STK33: variants seen among roughly 807,000 people sequenced by gnomAD.
The protein encoded by STK33 is serine/threonine kinase 33, also known as serine/threonine-protein kinase 33.
STK33 carries 52 observed loss-of-function variants against 58.0 expected under a neutral mutation model. The ratio of observed to expected loss-of-function variants is 0.90; its 90% CI spans 0.72 to 1.13. The LOEUF (loss-of-function observed/expected upper bound fraction) is 1.13. Among genes scored for constraint, STK33 ranks in the 50% most tolerant of loss-of-function variants. The pLI is 0.00. For synonymous variants in STK33, 215 were observed against 200.1 expected (o/e 1.07, Z -0.63); for missense variants, 630 against 604.2 (o/e 1.04, Z -0.45).
chr11:8,558,866 G>A (rs1956941534), intron 1 of STK33, among the ~76,000 whole-genome samples: 5 of 152,168 alleles, frequency 3.3e-5, no homozygotes, highest in African/African-American at 9.7e-5. Flanking sequence ...CAAAACAAGT[G>A]TTAATATAGC....
At chr11:8,590,317 T>G (rs2032392294) in intron 1 of STK33, among the ~76,000 whole-genome samples, 1 of 152,154 alleles carries the variant, frequency 6.6e-6, no homozygotes, top group Non-Finnish European at 1.5e-5. Context: ...AAAGTAAACA[T>G]ATAATACAAT....
At chr11:8,478,747 GA>G (rs567595541) in intron 2 of STK33, among the ~76,000 whole-genome samples, 1,888 of 141,436 alleles carry the variant, frequency 0.013, 38 homozygotes, top group African/African-American at 0.045. Context: ...AAGTAAAGGG[GA>G]AAAAAAAAAA....
At chr11:8,340,896 C>A in the STK33 span, among the ~76,000 whole-genome samples, 1 of 152,194 alleles carries the variant, frequency 6.6e-6, no homozygotes, top group Non-Finnish European at 1.5e-5. Context: ...TCTCACTCTG[C>A]AGCCCAGGCT....
intron 15 of STK33, among the ~76,000 whole-genome samples, chr11:8,396,536 G>A (rs1159116924): frequency 6.6e-6 from 1 of 152,216 alleles, no homozygotes; most frequent in Admixed American, 6.5e-5. Context: ...CCAGTCTACA[G>A]CTCCCAGCGT....
chr11:8,493,921 A>T (rs11041950), intron 1 of STK33, among the ~76,000 whole-genome samples: 83,498 of 151,950 alleles, frequency 0.55, 23,312 homozygotes, highest in African/African-American at 0.65. Context: ...AGACTCTCAA[A>T]AAACTACGCA....
chr11:8,570,996 A>G (rs1186516342), intron 1 of STK33, among the ~76,000 whole-genome samples: 1 of 152,176 alleles, frequency 6.6e-6, no homozygotes, highest in Admixed American at 6.5e-5. Flanking sequence ...GACAAAATAC[A>G]TGATACAATG....
intron 1 of STK33, among the ~76,000 whole-genome samples, chr11:8,545,356 AC>A (rs1018780998): frequency 7.2e-5 from 11 of 152,250 alleles, no homozygotes; most frequent in Non-Finnish European, 2.9e-5. Flanking sequence ...AATAGAAATG[AC>A]AGCACCATTT....
chr11:8,555,758 G>A (rs1322735268), intron 1 of STK33, among the ~76,000 whole-genome samples: 1 of 152,022 alleles, frequency 6.6e-6, no homozygotes, highest in Non-Finnish European at 1.5e-5. Context: ...ATGTTAATTA[G>A]CTTGATTTAA....
intron 14 of STK33, among the ~76,000 whole-genome samples, chr11:8,432,857 A>G (rs1943580993): frequency 1.3e-5 from 2 of 152,218 alleles, no homozygotes; most frequent in South Asian, 2.1e-4. Context: ...ACAATCCAAT[A>G]TAGTATACAA....
At chr11:8,489,272 G>GAAAAAAAAAAAAAAAAAAAAAAAAAAGA (rs60919146) in intron 1 of STK33, among the ~76,000 whole-genome samples, 1 of 126,592 alleles carries the variant, frequency 7.9e-6, no homozygotes, top group Non-Finnish European at 1.6e-5. Context: ...AAAAAAAAAA[G>GAAAAAAAAAAAAAAAAAAAAAAAAAAGA]AAAAAAAAAA....
Position 8,443,096 on chromosome 11 carries a change from T to A in STK33, c.872-2343A>T, listed in dbSNP as rs943686850. ...TGTACATCCTATTGCAAGTAAACTA[T>A]ATTCCTAAAAAGCAGATTTTAAAAA... On this transcript the variant is annotated intron_variant, in intron 11 of 15. Transcript: ENST00000687296. Among the ~76,000 whole-genome samples, 3 of 152,286 alleles carry A rather than the reference T, an allele frequency of 2.0e-5. No homozygotes were observed. In the South Asian group the frequency reaches 6.2e-4, roughly 32 times the overall value.
intron 1 of STK33, among the ~76,000 whole-genome samples, chr11:8,523,758 G>C (rs550521822): frequency 6.8e-6 from 1 of 147,586 alleles, no homozygotes; most frequent in Non-Finnish European, 1.5e-5. Context: ...GCCTCTGCCC[G>C]GCCGCCGCGT....
intron 1 of STK33, among the ~76,000 whole-genome samples, chr11:8,552,678 C>T (rs1332028857): frequency 6.6e-6 from 1 of 152,110 alleles, no homozygotes; most frequent in Non-Finnish European, 1.5e-5. Flanking sequence ...ATCAATATCA[C>T]TGTCTTCCTC....
intron 1 of STK33, among the ~76,000 whole-genome samples, chr11:8,516,842 A>G (rs1487505114): frequency 2.0e-5 from 3 of 152,144 alleles, no homozygotes; most frequent in African/African-American, 7.2e-5. Context: ...TGGAAACTCA[A>G]ACTGGATGGA....
At chr11:8,423,436 T>C (rs1253153324) in intron 14 of STK33, among the ~76,000 whole-genome samples, 1 of 152,122 alleles carries the variant, frequency 6.6e-6, no homozygotes, top group Non-Finnish European at 1.5e-5. Context: ...GTATTTTCAT[T>C]ATCACTCAGT....
chr11:8,430,512 TA>T (rs1427548829), intron 14 of STK33, among the ~76,000 whole-genome samples: 41 of 151,612 alleles, frequency 2.7e-4, no homozygotes, highest in Non-Finnish European at 5.6e-4. Context: ...AAAAGAAAAA[TA>T]ATAATAATAA....
chr11:8,441,331 AT>A (rs1944712287), intron 11 of STK33, among the ~76,000 whole-genome samples: 2 of 151,892 alleles, frequency 1.3e-5, no homozygotes, highest in South Asian at 2.1e-4. Flanking sequence ...ACTATACTAA[AT>A]ATATATATGT....
At chr11:8,420,497 G>A (rs1260162636) in intron 14 of STK33, among the ~76,000 whole-genome samples, 1 of 152,160 alleles carries the variant, frequency 6.6e-6, no homozygotes, top group Admixed American at 6.5e-5. Context: ...GTATAGCTGA[G>A]CCTTCTACTC....
At chr11:8,379,038 T>C in the STK33 span, among the ~76,000 whole-genome samples, 1 of 151,992 alleles carries the variant, frequency 6.6e-6, no homozygotes, top group Non-Finnish European at 1.5e-5. Context: ...AAACATAAAT[T>C]GGGGAAAGGA....
Sources: gnomAD v4.1 joint callset for allele counts (sites outside exome capture counted in the v4.1 genomes callset) on GRCh38, gnomAD v4.1.1 for gene constraint, MANE v1.5 for transcripts, NCBI Gene and HGNC (gene_info 2026-07-23, HGNC 2026-07-21) for gene names.